Variants in PEAK1 observed in about 807,000 individuals in gnomAD.
The protein encoded by PEAK1 is inactive tyrosine-protein kinase PEAK1.
A neutral mutation model predicts 124.7 loss-of-function variants in PEAK1; 54 were observed. The observed-to-expected ratio is 0.43, with a 90% confidence interval of 0.35 to 0.54. PEAK1 has a LOEUF of 0.54. Ranked by LOEUF, PEAK1 falls within the 20% of genes least tolerant of loss-of-function variation. PEAK1 has a pLI of 0.01. For synonymous variants in PEAK1, 719 were observed against 760.0 expected, an observed-to-expected ratio of 0.95 and a Z score of 0.89; for missense variants, 2,046 against 2,134.5, an observed-to-expected ratio of 0.96 and a Z score of 0.82.
At chr15:77,183,644 C>CAA (rs372755283) in intron 6 of PEAK1, among the ~76,000 whole-genome samples, 7 of 141,112 alleles carry the variant, frequency 5.0e-5, no homozygotes, top group African/African-American at 1.8e-4. Context: ...AAACATTTGC[C>CAA]AAAAAAAAAA....
intron 1 of PEAK1, among the ~76,000 whole-genome samples, chr15:77,410,492 G>A (rs2072320222): frequency 6.6e-6 from 1 of 152,176 alleles, no homozygotes; most frequent in Non-Finnish European, 1.5e-5. Context: ...TTACCTTACA[G>A]ATTTATTTTG....
At chr15:77,198,533 T>C (rs759042261) in intron 6 of PEAK1, among the ~76,000 whole-genome samples, 3 of 152,170 alleles carry the variant, frequency 2.0e-5, no homozygotes, top group Non-Finnish European at 4.4e-5. Context: ...TAAGGACCAG[T>C]ATAAAAAACA....
rs558188984 is a variant in PEAK1, at chr15:77,321,944, G to A, written c.-602-35440C>T. Among the ~76,000 whole-genome samples, 7 of 152,298 alleles carry A rather than the reference G, an allele frequency of 4.6e-5. No homozygotes were observed. In the East Asian group the frequency reaches 5.8e-4, roughly 13 times the overall value. ...AACAAACTGTCTCTCAGGCCACAGT[G>A]CAATCAAACTAGAACTCAGGATTAA... is the stretch of plus-strand genomic sequence containing the variant. On this transcript the variant is annotated intron_variant, in intron 2 of 9. Coordinates refer to ENST00000682557, the MANE Select transcript of PEAK1 (RefSeq NM_001385026.1).
At chr15:77,261,534 C>G (rs1004974352) in intron 5 of PEAK1, among the ~76,000 whole-genome samples, 16 of 151,486 alleles carry the variant, frequency 1.1e-4, no homozygotes, top group Non-Finnish European at 1.5e-4. Context: ...GATGGAAGAT[C>G]AAATGAATGA....
intron 6 of PEAK1, among the ~76,000 whole-genome samples, chr15:77,195,414 T>C (rs1321701375): frequency 6.6e-6 from 1 of 151,246 alleles, no homozygotes; most frequent in Non-Finnish European, 1.5e-5. Context: ...AGATAAAAAA[T>C]AGAAGGTGAG....
intron 8 of PEAK1, among the ~76,000 whole-genome samples, chr15:77,154,664 C>G (rs1409674518): frequency 1.3e-5 from 2 of 152,148 alleles, no homozygotes. Flanking sequence ...TTCAGGAGCT[C>G]TTTCAGGGCA....
intron 5 of PEAK1, among the ~76,000 whole-genome samples, chr15:77,261,859 G>C (rs532674839): frequency 5.5e-4 from 83 of 152,274 alleles, no homozygotes; most frequent in African/African-American, 1.9e-3. Flanking sequence ...CAGCCAGAGA[G>C]AAAGGTCGGG....
intron 2 of PEAK1, among the ~76,000 whole-genome samples, chr15:77,288,774 C>A (rs2063056071): frequency 6.6e-6 from 1 of 151,870 alleles, no homozygotes; most frequent in African/African-American, 2.4e-5. Flanking sequence ...ACTAAAAAGA[C>A]AAAAATTAGC....
intron 2 of PEAK1, among the ~76,000 whole-genome samples, chr15:77,310,049 G>A (rs1486454226): frequency 1.3e-5 from 2 of 152,140 alleles, no homozygotes; most frequent in African/African-American, 2.4e-5. Context: ...AAGGAGACAG[G>A]TTTCAGCTCA....
chr15:77,181,134 G>A lies in PEAK1; in HGVS notation c.793C>T (p.Arg265Cys), dbSNP rs200745735. The A allele has an allele frequency of 6.9e-5, 112 of 1,614,126 alleles. No individual in the cohort carries two copies. The highest frequency in any genetic ancestry group is 1.5e-4 in the African/African-American group (11 of 75,038). ...GCAAAGCGAGGTTGCCCTCTCATGC[G>A]AATCTCCATGGCCAACAGCTCTTCA... ...SDEELLAMEI[R>C]MRGQPRFANF... Residue 265 changes from arginine (R) to cysteine (C), a missense_variant, in exon 7 of 10, where the codon CGC becomes TGC. By Grantham distance (180) the Arg-to-Cys change is radical. Coordinates refer to ENST00000682557, the MANE Select transcript of PEAK1 (RefSeq NM_001385026.1).
chr15:77,394,738 C>T (rs1393819482), intron 1 of PEAK1, among the ~76,000 whole-genome samples: 5 of 152,174 alleles, frequency 3.3e-5, no homozygotes, highest in Non-Finnish European at 7.3e-5. Flanking sequence ...CAAACACCCA[C>T]GGACATCCAG....
At chr15:77,211,089 A>T (rs1490597756) in intron 6 of PEAK1, among the ~76,000 whole-genome samples, 2 of 152,148 alleles carry the variant, frequency 1.3e-5, no homozygotes, top group African/African-American at 2.4e-5. Context: ...AGTTTTATTA[A>T]AACAGGCAAA....
chr15:77,398,677 A>G (rs749317563), intron 1 of PEAK1, among the ~76,000 whole-genome samples: 3 of 152,222 alleles, frequency 2.0e-5, no homozygotes, highest in Non-Finnish European at 4.4e-5. Flanking sequence ...ATGGAGAACA[A>G]CTGAAAACCT....
chr15:77,240,504 C>T (rs1389260572), intron 6 of PEAK1, among the ~76,000 whole-genome samples: 2 of 151,674 alleles, frequency 1.3e-5, no homozygotes, highest in African/African-American at 4.8e-5. Context: ...TCTTTAGTCT[C>T]AGCTACTTGG....
intron 8 of PEAK1, chr15:77,156,606 T>C (rs1424148956): frequency 6.6e-6 from 1 of 152,418 alleles, no homozygotes; most frequent in Non-Finnish European, 1.5e-5. Context: ...TGCTGGGAGC[T>C]GTAGACCGGA....
intron 2 of PEAK1, among the ~76,000 whole-genome samples, chr15:77,301,948 T>C (rs2063810227): frequency 6.6e-6 from 1 of 152,238 alleles, no homozygotes; most frequent in South Asian, 2.1e-4. Context: ...GATCCAACAA[T>C]ACTTTTATTT....
intron 6 of PEAK1, among the ~76,000 whole-genome samples, chr15:77,196,669 C>A (rs1486504411): frequency 6.6e-6 from 1 of 151,914 alleles, no homozygotes; most frequent in African/African-American, 2.4e-5. Flanking sequence ...TAGTGTTTTC[C>A]CCCAGATAAT....
At chr15:77,241,060 T>G (rs1406074429) in intron 6 of PEAK1, among the ~76,000 whole-genome samples, 1 of 152,114 alleles carries the variant, frequency 6.6e-6, no homozygotes, top group Admixed American at 6.5e-5. Context: ...CAATAAAAAC[T>G]ATACACCAAT....
At chr15:77,222,110 T>C (rs879511559) in intron 6 of PEAK1, among the ~76,000 whole-genome samples, 1 of 152,086 alleles carries the variant, frequency 6.6e-6, no homozygotes, top group Non-Finnish European at 1.5e-5. Context: ...GGAATTCTAA[T>C]GGACATTCAG....
Sources: gnomAD v4.1 joint callset for allele counts (sites outside exome capture counted in the v4.1 genomes callset) on GRCh38, gnomAD v4.1.1 for gene constraint, MANE v1.5 for transcripts, NCBI Gene and HGNC (gene_info 2026-07-23, HGNC 2026-07-21) for gene names.